SAMD4A: variants seen among roughly 807,000 people sequenced by gnomAD.
SAMD4A encodes protein Smaug homolog 1.
SAMD4A carries 33 observed loss-of-function variants against 81.3 expected under a neutral mutation model. That is an observed-to-expected ratio of 0.41 (90% CI 0.31 to 0.54). SAMD4A has a LOEUF of 0.54. SAMD4A is among the 20% of genes least tolerant of loss of function. The pLI, the probability that SAMD4A is intolerant of heterozygous loss-of-function variation, is 0.37. For synonymous variants in SAMD4A, 389 were observed against 382.1 expected (o/e 1.02, Z -0.21); for missense variants, 854 against 951.1 (o/e 0.90, Z 1.34).
intron 11 of SAMD4A, among the ~76,000 whole-genome samples, chr14:54,777,209 CCCCACT>C (rs1312116903): frequency 1.3e-5 from 2 of 151,778 alleles, no homozygotes; most frequent in African/African-American, 4.9e-5. Context: ...CCCCCCCCAC[CCCCACT>C]GCCCCAAGGC....
At chr14:54,679,811 T>C (rs895894943) in intron 2 of SAMD4A, among the ~76,000 whole-genome samples, 4 of 152,240 alleles carry the variant, frequency 2.6e-5, no homozygotes, top group Non-Finnish European at 4.4e-5. Flanking sequence ...TTTGCATTCC[T>C]GGTCTCTGCA....
chr14:54,716,396 A>G lies in SAMD4A; in HGVS notation c.715+13816A>G, dbSNP rs533046832. ...AAGGGCTGACGAGAGGGTACATAGT[A>G]TTAAGAAATTGAATATACTCTCTGT... On this transcript the variant is annotated intron_variant, in intron 3 of 12. Coordinates refer to ENST00000554335, the MANE Select transcript of SAMD4A (RefSeq NM_015589.6). 7.9e-5 allele frequency among the ~76,000 whole-genome samples: 12 copies of G among 152,336 alleles called. No homozygotes were observed. The South Asian group carries it at 1.5e-3, about 18-fold the overall frequency.
chr14:54,594,411 A>C (rs1291809107), intron 2 of SAMD4A, among the ~76,000 whole-genome samples: 1 of 134,452 alleles, frequency 7.4e-6, no homozygotes, highest in Non-Finnish European at 1.6e-5. Context: ...TGACAGCATG[A>C]GACTGTCTCA....
rs578194143 is a variant in SAMD4A, at chr14:54,636,635, G to A, written c.197-65427G>A. On this transcript the variant is annotated intron_variant, in intron 2 of 12. Transcript: ENST00000554335. Reference sequence around the variant, plus strand: ...AGCAGTGTAACTGGTGAAAGTGGTCGTGCTCTGAATATATTTTGGGTACAT... The same window carrying A: ...AGCAGTGTAACTGGTGAAAGTGGTCATGCTCTGAATATATTTTGGGTACAT... Among the ~76,000 whole-genome samples, 131 of 152,282 alleles carry A rather than the reference G, an allele frequency of 8.6e-4. 6 individuals are homozygous for A. In the South Asian group the frequency reaches 0.024, roughly 28 times the overall value.
intron 11 of SAMD4A, among the ~76,000 whole-genome samples, chr14:54,779,027 T>TCTGACCTCCAAGCAGGTCCAGA (rs2038932730): frequency 6.6e-6 from 1 of 152,188 alleles, no homozygotes; most frequent in African/African-American, 2.4e-5. Context: ...GGACGACACC[T>TCTGACCTCCAAGCAGGTCCAGA]CTGACCTCCA....
chr14:54,708,437 G>T (rs2036910721), intron 3 of SAMD4A, among the ~76,000 whole-genome samples: 1 of 152,326 alleles, frequency 6.6e-6, no homozygotes, highest in African/African-American at 2.4e-5. Flanking sequence ...TGTGCAGTTT[G>T]GGAGAGAGAA....
At chr14:54,732,826 A>G (rs1482269854) in intron 3 of SAMD4A, among the ~76,000 whole-genome samples, 1 of 152,168 alleles carries the variant, frequency 6.6e-6, no homozygotes. Flanking sequence ...TATTTCTCAT[A>G]TTAGAAGGCA....
At chr14:54,604,626 C>T (rs377083038) in intron 2 of SAMD4A, among the ~76,000 whole-genome samples, 69 of 152,246 alleles carry the variant, frequency 4.5e-4, no homozygotes, top group South Asian at 1.9e-3. Flanking sequence ...AATTTATGAA[C>T]GCTTATACAT....
chr14:54,582,021 G>A (rs1013852234), intron 2 of SAMD4A, among the ~76,000 whole-genome samples: 1 of 152,056 alleles, frequency 6.6e-6, no homozygotes, highest in Non-Finnish European at 1.5e-5. Context: ...TTCTTTTTGT[G>A]GCAGAATGAG....
intron 9 of SAMD4A, 97 bp from the exon 10 acceptor site, chr14:54,774,837 G>A (rs963335534): frequency 2.6e-6 from 2 of 783,636 alleles, no homozygotes; most frequent in African/African-American, 3.9e-5. Context: ...AAAAAAAAAT[G>A]AGGAGACCTC....
rs577708036 is a variant in SAMD4A at position 54,609,228 on chromosome 14, TGA to T, written c.196+41123_196+41124del. Reference sequence around the variant, plus strand: ...TGGAAGTTGGAGGAGGAAGAGTCAATGAGAGAGACGTGATGTGAGAAATACTC... The same window carrying T: ...TGGAAGTTGGAGGAGGAAGAGTCAATGAGAGACGTGATGTGAGAAATACTC... On this transcript the variant is annotated intron_variant, in intron 2 of 12. Coordinates refer to ENST00000554335, the MANE Select transcript of SAMD4A (RefSeq NM_015589.6). Among the ~76,000 whole-genome samples, 197 of 152,286 alleles carry T rather than the reference TGA, an allele frequency of 1.3e-3. 2 individuals are homozygous for T. The highest frequency in any genetic ancestry group is 6.8e-3 in the Middle Eastern group (2 of 294).
intron 3 of SAMD4A, among the ~76,000 whole-genome samples, chr14:54,723,469 G>C (rs192433100): frequency 1.5e-4 from 23 of 152,270 alleles, no homozygotes; most frequent in African/African-American, 5.3e-4. Context: ...CCCTGATACT[G>C]TCCCTCTAAA....
chr14:54,701,591 C>CTAGATGG (rs2036717814), intron 2 of SAMD4A, among the ~76,000 whole-genome samples: 1 of 152,180 alleles, frequency 6.6e-6, no homozygotes, highest in Non-Finnish European at 1.5e-5. Flanking sequence ...CAATTTCACA[C>CTAGATGG]AAATGCCTTT....
intron 2 of SAMD4A, among the ~76,000 whole-genome samples, chr14:54,604,866 G>A (rs1440249781): frequency 1.3e-5 from 2 of 152,198 alleles, no homozygotes; most frequent in Admixed American, 1.3e-4. Flanking sequence ...AACATTACCA[G>A]TGTCTTTGAA....
At chr14:54,740,106 G>T (rs977844882) in intron 4 of SAMD4A, among the ~76,000 whole-genome samples, 3 of 152,304 alleles carry the variant, frequency 2.0e-5, no homozygotes, top group South Asian at 2.1e-4. Context: ...GGAGATAGAG[G>T]TTGCAGTGAG....
chr14:54,696,047 A>G (rs1323383091), intron 2 of SAMD4A, among the ~76,000 whole-genome samples: 1 of 152,046 alleles, frequency 6.6e-6, no homozygotes, highest in Non-Finnish European at 1.5e-5. Context: ...TTGCAGCTGT[A>G]AGGGCTCATA....
intron 3 of SAMD4A, among the ~76,000 whole-genome samples, chr14:54,713,048 GACTA>G (rs1398584039): frequency 1.3e-5 from 2 of 152,098 alleles, no homozygotes; most frequent in African/African-American, 2.4e-5. Context: ...TAGAGTCATA[GACTA>G]ACTATAGCTG....
Position 54,789,206 on chromosome 14 carries a change from A to T in SAMD4A, c.*262A>T. ...GGGGAGGGGTCTCTAGGGAATTATG[A>T]GACTGGGAGGGGGGTGGAGGGAATG... On this transcript the variant is annotated 3_prime_UTR_variant, in exon 13 of 13. Transcript: ENST00000554335. The T allele has an allele frequency of 5.5e-6, 2 of 365,584 alleles. No individual in the cohort carries two copies. Among genetic ancestry groups the T allele is most frequent in the Non-Finnish European group, 1.0e-5 (2 of 194,212 alleles). 22.6% of individuals were successfully genotyped at this position (365,584 alleles called of 1,614,324 possible).
chr14:54,588,761 T>A (rs1171119590), intron 2 of SAMD4A, among the ~76,000 whole-genome samples: 1 of 152,208 alleles, frequency 6.6e-6, no homozygotes, highest in African/African-American at 2.4e-5. Flanking sequence ...TGAGAACATT[T>A]GTTTTTTCTT....
Sources: allele counts gnomAD v4.1 joint callset (sites outside exome capture counted in the v4.1 genomes callset), GRCh38; gene constraint gnomAD v4.1.1; transcripts MANE v1.5; gene names NCBI Gene and HGNC (gene_info 2026-07-23, HGNC 2026-07-21).